The following TTLL11 variants were observed in gnomAD, a reference collection of about 807,000 sequenced individuals.
The protein encoded by TTLL11 is tubulin tyrosine ligase like 11.
A neutral mutation model predicts 51.7 loss-of-function variants in TTLL11; 42 were observed. The observed-to-expected ratio is 0.81, with a 90% CI of 0.64 to 1.05. TTLL11 has a LOEUF of 1.05. TTLL11 is among the 50% of genes least tolerant of loss of function. The pLI, the probability that TTLL11 is intolerant of heterozygous loss-of-function variation, is 0.00. For missense variants in TTLL11, 799 were observed against 940.4 expected, an observed-to-expected ratio of 0.85 and a Z score of 1.97; for synonymous variants, 381 against 383.5, an observed-to-expected ratio of 0.99 and a Z score of 0.08.
At chr9:121,996,524 A>T (rs1843272251) in intron 3 of TTLL11, among the ~76,000 whole-genome samples, 1 of 152,212 alleles carries the variant, frequency 6.6e-6, no homozygotes, top group Non-Finnish European at 1.5e-5. Flanking sequence ...ATGCACACAC[A>T]TGCACACGTA....
intron 8 of TTLL11, among the ~76,000 whole-genome samples, chr9:121,857,326 AAGCACTGCTTGGTGT>A (rs1172655261): frequency 6.6e-6 from 1 of 152,198 alleles, no homozygotes; most frequent in Non-Finnish European, 1.5e-5. Context: ...TTAAGTGAAC[AAGCACTGCTTGGTGT>A]AGCCCTGGAT....
At chr9:121,941,308 C>T (rs367677534) in intron 6 of TTLL11, among the ~76,000 whole-genome samples, 23 of 152,314 alleles carry the variant, frequency 1.5e-4, no homozygotes, top group African/African-American at 5.3e-4. Context: ...TCCTCCTCTA[C>T]CCTCCTCTCT....
intron 7 of TTLL11, among the ~76,000 whole-genome samples, chr9:121,861,567 T>A (rs1838014216): frequency 6.6e-6 from 1 of 152,068 alleles, no homozygotes; most frequent in African/African-American, 2.4e-5. Context: ...GAGAACAAAC[T>A]CCACATGTCA....
intron 8 of TTLL11, among the ~76,000 whole-genome samples, chr9:121,834,482 C>CTTTT (rs57838645): frequency 1.4e-5 from 2 of 145,098 alleles, no homozygotes; most frequent in African/African-American, 5.1e-5. Context: ...CCCTGAGTGG[C>CTTTT]TTTTTTTTTT....
At chr9:122,001,601 C>T (rs189421800) in intron 3 of TTLL11, among the ~76,000 whole-genome samples, 162 of 152,224 alleles carry the variant, frequency 1.1e-3, no homozygotes, top group African/African-American at 3.6e-3. Flanking sequence ...TGAGTCCCAG[C>T]GGCACAGCCT....
intron 3 of TTLL11, among the ~76,000 whole-genome samples, chr9:122,029,199 A>T (rs548574666): frequency 1.4e-4 from 22 of 152,276 alleles, no homozygotes; most frequent in African/African-American, 5.1e-4. Context: ...ATGATAATAA[A>T]CTACTACGTT....
At chr9:121,887,762 C>A (rs1839067486) in intron 6 of TTLL11, among the ~76,000 whole-genome samples, 1 of 152,320 alleles carries the variant, frequency 6.6e-6, no homozygotes, top group East Asian at 1.9e-4. Context: ...AAGAAAGTGC[C>A]TCCCCCGCAG....
intron 7 of TTLL11, among the ~76,000 whole-genome samples, chr9:121,863,983 T>C (rs1838099334): frequency 6.6e-6 from 1 of 151,960 alleles, no homozygotes; most frequent in Admixed American, 6.6e-5. Flanking sequence ...ACCAGAAGGG[T>C]TGGAGCCTCT....
chr9:122,093,075 G>T lies in TTLL11; in HGVS notation c.74C>A (p.Ala25Glu), dbSNP rs1037397586. Reference protein sequence around the residue: ...EAEAVAAAKAAAKAEAEATAE... With the variant: ...EAEAVAAAKAEAKAEAEATAE... ...TGTGGCCTCGGCCTCAGCTTTGGCC[G>T]CCGCTTTGGCCGCAGCCACCGCCTC... Residue 25 changes from alanine to glutamate, a missense_variant, in exon 1 of 9, where the codon GCG (alanine) becomes GAG (glutamate). By Grantham distance (107) the Ala-to-Glu change is moderately radical. Transcript: ENST00000321582. 8 of 1,504,794 alleles carry T rather than the reference G, an allele frequency of 5.3e-6. No individual in the cohort carries two copies. The highest frequency in any genetic ancestry group is 7.1e-6 in the Non-Finnish European group (8 of 1,134,204). 93.2% of individuals were successfully genotyped at this position (1,504,794 alleles called of 1,614,324 possible). A position where few individuals can be genotyped will look rare whatever the true frequency, so the allele number is the denominator to read the frequency against.
At chr9:121,951,991 G>A (rs1443113091) in intron 6 of TTLL11, among the ~76,000 whole-genome samples, 2 of 152,206 alleles carry the variant, frequency 1.3e-5, no homozygotes, top group Non-Finnish European at 2.9e-5. Context: ...GGTCACTCTT[G>A]TCGCCATCTT....
At chr9:121,826,263 GGGTAAAA>G (rs1836764715) in intron 8 of TTLL11, among the ~76,000 whole-genome samples, 1 of 106,802 alleles carries the variant, frequency 9.4e-6, no homozygotes, top group African/African-American at 3.7e-5. Context: ...TTATATATAT[GGGTAAAA>G]CCCATATATA....
chr9:122,007,995 C>A (rs926388972), intron 3 of TTLL11, among the ~76,000 whole-genome samples: 1 of 152,108 alleles, frequency 6.6e-6, no homozygotes, highest in Non-Finnish European at 1.5e-5. Context: ...ATGATACCCA[C>A]GAGAAAAACA....
intron 6 of TTLL11, among the ~76,000 whole-genome samples, chr9:121,935,918 C>A (rs899595059): frequency 1.3e-4 from 20 of 152,178 alleles, no homozygotes; most frequent in African/African-American, 4.8e-4. Flanking sequence ...AGAGCACAGC[C>A]CCGACAGGTC....
intron 8 of TTLL11, among the ~76,000 whole-genome samples, chr9:121,841,733 C>T (rs1232252633): frequency 6.6e-6 from 1 of 152,016 alleles, no homozygotes; most frequent in Non-Finnish European, 1.5e-5. Flanking sequence ...TATCGTTGGG[C>T]CAGACCATTG....
intron 8 of TTLL11, among the ~76,000 whole-genome samples, chr9:121,826,256 T>C (rs1484838242): frequency 8.4e-6 from 1 of 118,556 alleles, no homozygotes; most frequent in African/African-American, 3.1e-5. Context: ...ATATGGGTTA[T>C]ATATATGGGT....
In TTLL11 at chr9:121,884,204, C is replaced by A. The variant is rs565534991; in HGVS notation, c.1482-13456G>T. ...AAGGAGCAGTGTGTTTATGGCGACA[C>A]AATGGCCAGACCCACAGGGTCCTGC... On this transcript the variant is annotated intron_variant, in intron 6 of 8. Transcript: ENST00000321582. Among the ~76,000 whole-genome samples the A allele has an allele frequency of 1.1e-3, 160 of 152,292 alleles. 1 individual carries two copies. Among genetic ancestry groups the A allele is most frequent in the African/African-American group, 3.7e-3 (155 of 41,554 alleles).
intron 1 of TTLL11, among the ~76,000 whole-genome samples, chr9:122,072,186 C>CAATAT (rs1489218156): frequency 6.6e-6 from 1 of 152,134 alleles, no homozygotes; most frequent in Non-Finnish European, 1.5e-5. Context: ...CCAGCCTGGG[C>CAATAT]AATATAGCAA....
chr9:121,936,077 A>C (rs1420678149), intron 6 of TTLL11, among the ~76,000 whole-genome samples: 1 of 152,178 alleles, frequency 6.6e-6, no homozygotes, highest in Non-Finnish European at 1.5e-5. Context: ...GGTTTGGCCA[A>C]CTCAGTTAGA....
rs560992373 is a variant in TTLL11, at chr9:121,834,392, TC to T, written c.1841-11514del. ...GATGAGCTGGTCCGGGTCCCAGCTC[TC>T]CCACTTACTGCCTGTCAAGGCATTT... On this transcript the variant is annotated intron_variant, in intron 8 of 8. Transcript: ENST00000321582. 5.3e-5 allele frequency among the ~76,000 whole-genome samples: 8 copies of T among 152,016 alleles called. No homozygotes were observed. The East Asian group carries it at 1.5e-3, about 29-fold the overall frequency.
Sources: gnomAD v4.1 joint callset for allele counts (sites outside exome capture counted in the v4.1 genomes callset) on GRCh38, gnomAD v4.1.1 for gene constraint, MANE v1.5 for transcripts, NCBI Gene and HGNC (gene_info 2026-07-23, HGNC 2026-07-21) for gene names.